The following CLIP2 variants were observed in gnomAD, a reference collection of about 807,000 sequenced individuals.
The protein encoded by CLIP2 is CAP-Gly domain-containing linker protein 2.
In CLIP2, 41 loss-of-function variants were observed where a neutral mutation model predicts 111.7. The ratio of observed to expected loss-of-function variants is 0.37; its 90% confidence interval spans 0.29 to 0.48. The LOEUF is 0.48. CLIP2 is among the 20% of genes least tolerant of loss of function. CLIP2 has a pLI of 0.99. For missense variants in CLIP2, 1,160 were observed against 1,422.1 expected (o/e 0.82, Z 2.96); for synonymous variants, 660 against 644.2 (o/e 1.02, Z -0.37).
intron 1 of CLIP2, among the ~76,000 whole-genome samples, chr7:74,297,344 G>A (rs144018588): frequency 9.9e-5 from 15 of 152,206 alleles, no homozygotes; most frequent in East Asian, 3.9e-4. Context: ...GCTTGGTGGC[G>A]CCTGCCTGTA....
At chr7:74,306,275 G>T (rs1020275090) in intron 1 of CLIP2, among the ~76,000 whole-genome samples, 2 of 152,152 alleles carry the variant, frequency 1.3e-5, no homozygotes, top group African/African-American at 4.8e-5. Flanking sequence ...TGTGGGGACT[G>T]CGGGTTACAC....
At chr7:74,385,122 C>CAAAAAA (rs71094780) in intron 11 of CLIP2, among the ~76,000 whole-genome samples, 4 of 51,612 alleles carry the variant, frequency 7.8e-5, no homozygotes, top group African/African-American at 1.4e-4. Flanking sequence ...ATTAAAAATA[C>CAAAAAA]AAAAAAAAAA....
intron 1 of CLIP2, among the ~76,000 whole-genome samples, chr7:74,292,674 C>T (rs1554725562): frequency 2.6e-5 from 4 of 152,180 alleles, no homozygotes; most frequent in Non-Finnish European, 4.4e-5. Context: ...AGGCGTGAGC[C>T]ACCACGCCTG....
chr7:74,300,479 G>A (rs1176589912), intron 1 of CLIP2, among the ~76,000 whole-genome samples: 2 of 148,714 alleles, frequency 1.3e-5, no homozygotes, highest in Non-Finnish European at 3.0e-5. Flanking sequence ...TTTTTGAGAC[G>A]GAGTCTCGCT....
chr7:74,403,483 C>T (rs1437829481), intron 16 of CLIP2, among the ~76,000 whole-genome samples: 5 of 152,154 alleles, frequency 3.3e-5, no homozygotes, highest in African/African-American at 1.2e-4. Flanking sequence ...GCAGGAGAAT[C>T]GCTTGAACCA....
chr7:74,384,050 G>T (rs572743285), intron 11 of CLIP2, among the ~76,000 whole-genome samples: 3 of 152,112 alleles, frequency 2.0e-5, no homozygotes, highest in Non-Finnish European at 4.4e-5. Flanking sequence ...TTAGCTGGGC[G>T]TGGTGGTGTG....
intron 16 of CLIP2, 138 bp downstream of exon 16, chr7:74,401,705 G>A: frequency 1.2e-6 from 1 of 824,216 alleles, no homozygotes; most frequent in East Asian, 2.7e-5. Flanking sequence ...CAGGGAGGGT[G>A]CTGTTGCAGG....
chr7:74,360,322 G>A, intron 7 of CLIP2, 44 bp downstream of exon 7: 1 of 1,445,060 alleles, frequency 6.9e-7, no homozygotes, highest in Non-Finnish European at 9.5e-7. Flanking sequence ...GTCCCCTTAA[G>A]GAGGATGAGG....
chr7:74,384,636 G>A (rs976202194), intron 11 of CLIP2, among the ~76,000 whole-genome samples: 3 of 151,308 alleles, frequency 2.0e-5, no homozygotes, highest in Non-Finnish European at 4.4e-5. Context: ...AGTAGAGACA[G>A]GGTTTCGCAA....
At position 74,338,916 on chromosome 7, in the gene CLIP2, A is replaced by G; in HGVS notation, c.590A>G (p.Lys197Arg). 1.2e-6 allele frequency: 2 copies of G among 1,603,206 alleles called. No individual in the cohort carries two copies. The highest frequency in any genetic ancestry group is 1.7e-6 in the Non-Finnish European group (2 of 1,179,858). The part of the protein sequence containing the change: ...LRESVLNSSV[K>R]TGNESGSNLS... ...GAGAGCGTCCTCAACAGCTCCGTGAAGACTGGCAACGAGTCGGGATCCAAC... is the reference window on the plus strand; with the variant it reads ...GAGAGCGTCCTCAACAGCTCCGTGAGGACTGGCAACGAGTCGGGATCCAAC... The change falls in exon 3 of 17, where the codon AAG (lysine) becomes AGG (arginine). Residue 197 changes from lysine (K) to arginine (R), a missense_variant. Coordinates refer to ENST00000223398, the MANE Select transcript of CLIP2 (RefSeq NM_003388.5). This position sits in a 1 kb window ranked among gnomAD's most constrained non-coding sequence, Gnocchi z 4.3.
In CLIP2 at chr7:74,376,277, A is replaced by G; in HGVS notation, c.1876A>G (p.Lys626Glu). 6.2e-7 allele frequency: 1 copy of G among 1,613,260 alleles called. No homozygotes were observed. The highest frequency in any genetic ancestry group is 8.5e-7 in the Non-Finnish European group (1 of 1,179,716). Reference protein sequence around the residue: ...KLDSLASDHQKSLEDLKATLN... With the variant: ...KLDSLASDHQESLEDLKATLN... The stretch of plus-strand genomic sequence containing the variant: ...GGACTCGCTGGCCTCGGACCACCAG[A>G]AGTCCCTGGAGGACCTCAAAGCCAC... The change falls in exon 10 of 17, where the codon AAG becomes GAG. Residue 626 changes from lysine to glutamate, a missense_variant. By Grantham distance (56) the Lys-to-Glu change is moderately conservative. Coordinates refer to ENST00000223398, the MANE Select transcript of CLIP2 (RefSeq NM_003388.5). This position sits in a 1 kb window ranked among gnomAD's most constrained non-coding sequence, Gnocchi z 7.1.
intron 1 of CLIP2, 64 bp downstream of exon 1, chr7:74,289,798 G>C (rs1554725126): frequency 2.0e-5 from 3 of 152,404 alleles, no homozygotes; most frequent in Non-Finnish European, 4.4e-5. Flanking sequence ...GAGAGATGCG[G>C]GGGGCGGCGG....
At chr7:74,343,187 CA>C (rs1204250188) in intron 3 of CLIP2, among the ~76,000 whole-genome samples, 16 of 138,530 alleles carry the variant, frequency 1.2e-4, no homozygotes, top group East Asian at 4.1e-4. Context: ...GACTCCGTCT[CA>C]AAAAAAAAAA....
chr7:74,302,574 T>C (rs1564026353), intron 1 of CLIP2, among the ~76,000 whole-genome samples: 1 of 152,174 alleles, frequency 6.6e-6, no homozygotes, highest in South Asian at 2.1e-4. Context: ...GAACCCAGGC[T>C]TCTAGACTCA....
intron 2 of CLIP2, among the ~76,000 whole-genome samples, chr7:74,318,726 C>T (rs968726475): frequency 3.9e-5 from 6 of 152,006 alleles, no homozygotes; most frequent in Non-Finnish European, 7.4e-5. Flanking sequence ...AAAAAAATGA[C>T]GATCGTTTGT....
chr7:74,357,565 G>A, intron 6 of CLIP2, 88 bp downstream of exon 6: 1 of 1,237,986 alleles, frequency 8.1e-7, no homozygotes, highest in Non-Finnish European at 1.1e-6. Flanking sequence ...TGGAGGGGGT[G>A]GGTGCAGAGA....
In CLIP2 at chr7:74,290,116, G is replaced by T. The variant is rs1036633207; in HGVS notation, c.-68+382G>T. On this transcript the variant is annotated intron_variant, in intron 1 of 16. Transcript: ENST00000223398. ...CAAGGGCAGAGCAAGACGGCTGGAC[G>T]CGCCGCAGGGCTCTCTGGGCTCACA... Among the ~76,000 whole-genome samples, 4 of 152,328 alleles carry T rather than the reference G, an allele frequency of 2.6e-5. No homozygotes were observed. The East Asian group carries it at 5.8e-4, about 22-fold the overall frequency.
Position 74,376,817 on chromosome 7 carries a change from A to G in CLIP2, c.2416A>G (p.Thr806Ala), listed in dbSNP as rs1554313084. 3.2e-6 allele frequency: 5 copies of G among 1,583,610 alleles called. No individual in the cohort carries two copies. The highest frequency in any genetic ancestry group is 1.2e-5 in the South Asian group (1 of 86,872). ...AVEALCSSQHTHMIESNDISE... is the reference protein window; with the variant it reads ...AVEALCSSQHAHMIESNDISE... ...CGAGGCCCTGTGCTCCTCCCAGCAC[A>G]CCCACGTAGGCGCCTGCCCCTCCTG... The change falls in exon 10 of 17, where the codon ACC becomes GCC. Residue 806 changes from threonine to alanine, a missense_variant. Around this residue, in one of 5 missense-constraint regions of CLIP2, gnomAD observed 676 missense variants for 777.8 expected, o/e 0.87. Coordinates refer to ENST00000223398, the MANE Select transcript of CLIP2 (RefSeq NM_003388.5). This position sits in a 1 kb window ranked among gnomAD's most constrained non-coding sequence, Gnocchi z 7.1.
chr7:74,388,980 G>A, intron 12 of CLIP2, 123 bp from the exon 13 acceptor site: 2 of 1,183,494 alleles, frequency 1.7e-6, no homozygotes, highest in South Asian at 1.5e-5. Context: ...AAACTATGCA[G>A]TGGGGTATGT....
Sources: gnomAD v4.1 joint callset for allele counts (sites outside exome capture counted in the v4.1 genomes callset) on GRCh38, gnomAD v4.1.1 for gene constraint, gnomAD v4.1.1 regional missense constraint, Gnocchi (gnomAD v3.1) non-coding constraint, MANE v1.5 for transcripts, NCBI Gene and HGNC (gene_info 2026-07-23, HGNC 2026-07-21) for gene names.